Variants in FRMPD1 observed in about 807,000 individuals in gnomAD.
FRMPD1 encodes FERM and PDZ domain-containing protein 1.
In FRMPD1, 76 loss-of-function variants were observed where a neutral mutation model predicts 117.8. The observed-to-expected ratio is 0.65, with a 90% confidence interval of 0.54 to 0.78. The LOEUF (loss-of-function observed/expected upper bound fraction) is 0.78, where lower values mean the gene tolerates loss of function less well. Ranked by LOEUF, FRMPD1 falls within the 30% of genes least tolerant of loss-of-function variation. The pLI, the probability that FRMPD1 is intolerant of heterozygous loss-of-function variation, is 0.00. For missense variants in FRMPD1, 1,786 were observed against 1,964.5 expected (o/e 0.91, Z 1.72); for synonymous variants, 783 against 770.4 (o/e 1.02, Z -0.27).
chr9:37,607,536 G>T, the FRMPD1 span, among the ~76,000 whole-genome samples: 1 of 152,146 alleles, frequency 6.6e-6, no homozygotes, highest in African/African-American at 2.4e-5. Context: ...TGGTTGTGTT[G>T]CCATTGCTAA....
Position 37,717,386 on chromosome 9 carries a change from T to A in FRMPD1, c.409-1683T>A, listed in dbSNP as rs867367337. On this transcript the variant is annotated intron_variant, in intron 5 of 15. Coordinates refer to ENST00000377765, the MANE Select transcript of FRMPD1 (RefSeq NM_014907.3). ...GTGTGTGTGTATATATATATATTTTTTTTTTTTTTTTGAGATGTAGTCTTC... is the reference window on the plus strand; with the variant it reads ...GTGTGTGTGTATATATATATATTTTATTTTTTTTTTTGAGATGTAGTCTTC... Among the ~76,000 whole-genome samples the A allele has an allele frequency of 2.5e-3, 341 of 139,012 alleles. 3 individuals carry two copies. The highest frequency in any genetic ancestry group is 8.8e-3 in the African/African-American group (292 of 33,130). 91.2% of individuals were successfully genotyped at this position (139,012 alleles called of 152,430 possible).
At chr9:37,715,341 T>C (rs1823074496) in intron 5 of FRMPD1, among the ~76,000 whole-genome samples, 1 of 152,142 alleles carries the variant, frequency 6.6e-6, no homozygotes, top group Non-Finnish European at 1.5e-5. Context: ...ATCAGTGAAG[T>C]TGGGTTGCTT....
intron 1 of FRMPD1, among the ~76,000 whole-genome samples, chr9:37,661,180 G>A (rs1160588573): frequency 2.0e-5 from 3 of 152,174 alleles, no homozygotes; most frequent in Admixed American, 6.5e-5. Context: ...ACTGACCTGG[G>A]AACTTGCTAA....
At chr9:37,721,060 G>A (rs1588956316) in intron 6 of FRMPD1, among the ~76,000 whole-genome samples, 4 of 152,322 alleles carry the variant, frequency 2.6e-5, no homozygotes, top group Admixed American at 2.6e-4. Context: ...CCCATTCACT[G>A]CTGTCTATGC....
In FRMPD1 at chr9:37,740,613, C is replaced by T; in HGVS notation, c.2085C>T (p.Asp695=). Reference sequence around the variant, plus strand: ...CAGAACTGAGCACAGTCAGGCTGGACCCCAGGCTGTATGAAGGCAGCCACG... The same window carrying T: ...CAGAACTGAGCACAGTCAGGCTGGATCCCAGGCTGTATGAAGGCAGCCACG... ...WAPELSTVRL[D]PRLYEGSHAD... is the part of the protein sequence containing the mutation. The change falls in exon 15 of 16, where the codon GAC becomes GAT. Residue 695 remains aspartate (D), a synonymous_variant. Transcript: ENST00000377765. The surrounding 1 kb of genome is among the most constrained non-coding windows in gnomAD (Gnocchi z 4.2). 1.2e-6 allele frequency: 2 copies of T among 1,614,118 alleles called. No homozygotes were observed. Among genetic ancestry groups the T allele is most frequent in the Non-Finnish European group, 8.5e-7 (1 of 1,179,974 alleles).
In FRMPD1 at chr9:37,740,373, T is replaced by C; in HGVS notation, c.1845T>C (p.Asp615=). The change falls in exon 15 of 16, where the codon GAT becomes GAC. Residue 615 remains aspartate (D), a synonymous_variant. Transcript: ENST00000377765. The surrounding 1 kb of genome is among the most constrained non-coding windows in gnomAD (Gnocchi z 4.2). ...SSESMDALEE[D]DLDTCSSSRS... is the part of the protein sequence containing the mutation. ...AGTCCATGGACGCTCTGGAAGAGGA[T>C]GACTTAGACACCTGCTCCTCCAGCA... is the stretch of plus-strand genomic sequence containing the variant. 1 of 1,613,736 alleles carries C rather than the reference T, an allele frequency of 6.2e-7. No homozygotes were observed. Among genetic ancestry groups the C allele is most frequent in the Non-Finnish European group, 8.5e-7 (1 of 1,179,960 alleles).
At chr9:37,723,065 G>C (rs1823467679) in intron 6 of FRMPD1, among the ~76,000 whole-genome samples, 1 of 152,140 alleles carries the variant, frequency 6.6e-6, no homozygotes, top group African/African-American at 2.4e-5. Context: ...CATCTAGGGT[G>C]ATAATTGGGG....
intron 2 of FRMPD1, among the ~76,000 whole-genome samples, chr9:37,700,123 T>C (rs1430633384): frequency 3.3e-5 from 5 of 152,238 alleles, no homozygotes; most frequent in Non-Finnish European, 5.9e-5. Flanking sequence ...TTTTTTTTAT[T>C]GTGTCTTGAC....
At chr9:37,619,359 C>T in the FRMPD1 span, among the ~76,000 whole-genome samples, 165 of 152,230 alleles carry the variant, frequency 1.1e-3, 1 homozygote, top group South Asian at 6.4e-3. Flanking sequence ...GGGCTTGGCA[C>T]ATAGCAAGGG....
At chr9:37,742,625 G>A (rs1397209562) in intron 15 of FRMPD1, among the ~76,000 whole-genome samples, 2 of 152,186 alleles carry the variant, frequency 1.3e-5, no homozygotes, top group Admixed American at 6.5e-5. Context: ...TTGGCCGGGC[G>A]CAGTGGTTCA....
intron 13 of FRMPD1, among the ~76,000 whole-genome samples, chr9:37,736,145 C>A (rs139241897): frequency 6.6e-6 from 1 of 151,844 alleles, no homozygotes; most frequent in Non-Finnish European, 1.5e-5. Flanking sequence ...GGACTACAGG[C>A]GCCCACCACC....
At chr9:37,610,881 C>T in the FRMPD1 span, among the ~76,000 whole-genome samples, 1 of 151,962 alleles carries the variant, frequency 6.6e-6, no homozygotes, top group Non-Finnish European at 1.5e-5. Flanking sequence ...GGATTACAGG[C>T]GTGAGCCACC....
chr9:37,746,256 G>C lies in FRMPD1; in HGVS notation c.4224G>C (p.Leu1408=), dbSNP rs772283321. ...HIWPEYCSRA[L]RQLKATPAST... is the part of the protein sequence containing the mutation. ...GGCCAGAGTACTGCTCCAGGGCACT[G>C]AGACAGCTGAAAGCCACCCCTGCCA... is the stretch of plus-strand genomic sequence containing the variant. Residue 1408 remains leucine, a synonymous_variant, in exon 16 of 16, where the codon CTG becomes CTC. Coordinates refer to ENST00000377765, the MANE Select transcript of FRMPD1 (RefSeq NM_014907.3). 1.2e-6 allele frequency: 2 copies of C among 1,612,878 alleles called. No homozygotes were observed. Among genetic ancestry groups the C allele is most frequent in the Non-Finnish European group, 1.7e-6 (2 of 1,179,874 alleles).
At chr9:37,614,981 C>T in the FRMPD1 span, among the ~76,000 whole-genome samples, 1 of 152,214 alleles carries the variant, frequency 6.6e-6, no homozygotes, top group South Asian at 2.1e-4. Context: ...AGGCATCTGG[C>T]CTAGACCTCT....
intron 1 of FRMPD1, among the ~76,000 whole-genome samples, chr9:37,665,260 A>G (rs917899073): frequency 2.0e-5 from 3 of 152,192 alleles, no homozygotes; most frequent in African/African-American, 7.2e-5. Context: ...TTAGTGGACA[A>G]TTTTTATTAT....
rs555065371 is a variant in FRMPD1 at position 37,663,843 on chromosome 9, T to C, written c.-5+12749T>C. ...TCTCCAGGTTACTTATAATACCTAA[T>C]AGAGTGTAAATGCTATGTAAATAGT... On this transcript the variant is annotated intron_variant, in intron 1 of 15. Coordinates refer to ENST00000377765, the MANE Select transcript of FRMPD1 (RefSeq NM_014907.3). Among the ~76,000 whole-genome samples the C allele has an allele frequency of 1.2e-4, 19 of 152,354 alleles. 1 individual carries two copies. In the South Asian group the frequency reaches 3.7e-3, roughly 30 times the overall value.
At chr9:37,724,716 G>C (rs1370395495) in intron 7 of FRMPD1, among the ~76,000 whole-genome samples, 3 of 152,228 alleles carry the variant, frequency 2.0e-5, no homozygotes, top group Non-Finnish European at 4.4e-5. Context: ...TGCCTATTCT[G>C]TTCTTGGTTA....
Position 37,746,072 on chromosome 9 carries a change from CG to C in FRMPD1, c.4041del (p.Gln1348SerfsTer61), listed in dbSNP as rs2118547678. ...TCCTATGCCACATGCTTCCGTGGCC[CG>C]CAGCCTGAGACAGAGGAAGAAGACA... ...QFSYATCFRG[P>X]QPETEEEDRD... On this transcript the variant is annotated frameshift_variant, in exon 16 of 16. Coordinates refer to ENST00000377765, the MANE Select transcript of FRMPD1 (RefSeq NM_014907.3). LOFTEE classifies it high-confidence loss of function. 6.2e-7 allele frequency: 1 copy of C among 1,614,168 alleles called. No homozygotes were observed. The highest frequency in any genetic ancestry group is 8.5e-7 in the Non-Finnish European group (1 of 1,180,036).
chr9:37,653,387 G>A (rs946616680), intron 1 of FRMPD1, among the ~76,000 whole-genome samples: 1 of 152,200 alleles, frequency 6.6e-6, no homozygotes, highest in Admixed American at 6.5e-5. Context: ...GTTTAAGCAT[G>A]TGCATTGATT....
Sources: gnomAD v4.1 joint callset for allele counts (sites outside exome capture counted in the v4.1 genomes callset) on GRCh38, gnomAD v4.1.1 for gene constraint, Gnocchi (gnomAD v3.1) non-coding constraint, MANE v1.5 for transcripts, NCBI Gene and HGNC (gene_info 2026-07-23, HGNC 2026-07-21) for gene names.